The following NCK2 variants were observed in gnomAD, a reference collection of about 807,000 sequenced individuals.
The protein encoded by NCK2 is cytoplasmic protein NCK2.
Under a neutral mutation model 33.9 loss-of-function variants are expected in NCK2, and 16 were observed. The ratio of observed to expected loss-of-function variants is 0.47; its 90% confidence interval spans 0.32 to 0.72. The LOEUF (loss-of-function observed/expected upper bound fraction) is 0.72, where lower values mean the gene tolerates loss of function less well. Ranked by LOEUF, NCK2 falls within the 30% of genes least tolerant of loss-of-function variation. NCK2 has a pLI of 0.03. For synonymous variants in NCK2, 273 were observed against 239.9 expected (o/e 1.14, Z -1.27); for missense variants, 418 against 537.3 (o/e 0.78, Z 2.19).
intron 3 of NCK2, chr2:105,855,713 A>G (rs1004462953): frequency 1.3e-5 from 2 of 159,226 alleles, no homozygotes; most frequent in African/African-American, 4.8e-5. Flanking sequence ...CCTCTCTGAA[A>G]TGGATGCTAC....
In NCK2 at chr2:105,881,744, A is replaced by ATGAG; in HGVS notation, c.643_644insTGAG (p.Asn215MetfsTer13). 1 of 1,614,108 alleles carries ATGAG rather than the reference A, an allele frequency of 6.2e-7. No homozygotes were observed. Among genetic ancestry groups the ATGAG allele is most frequent in the Non-Finnish European group, 8.5e-7 (1 of 1,179,950 alleles). ...CAGCTCAGTCACCGAGGAGGAGCTC[A>ATGAG]ACTTCGAGAAGGGGGAGACCATGGA... On this transcript the variant is annotated frameshift_variant, in exon 4 of 5. Coordinates refer to ENST00000233154, the MANE Select transcript of NCK2 (RefSeq NM_003581.5). LOFTEE classifies it high-confidence loss of function.
At chr2:105,787,440 G>A (rs1690717725) in intron 1 of NCK2, among the ~76,000 whole-genome samples, 1 of 152,150 alleles carries the variant, frequency 6.6e-6, no homozygotes, top group African/African-American at 2.4e-5. Flanking sequence ...TCTGAAAAGA[G>A]ACAGCAGAGA....
intron 1 of NCK2, among the ~76,000 whole-genome samples, chr2:105,768,841 G>A (rs1364420358): frequency 1.3e-5 from 2 of 152,190 alleles, no homozygotes; most frequent in African/African-American, 4.8e-5. Context: ...CATGGGACGA[G>A]GGGTGGGAGT....
chr2:105,808,857 C>G (rs1326093952), intron 1 of NCK2, among the ~76,000 whole-genome samples: 1 of 152,134 alleles, frequency 6.6e-6, no homozygotes, highest in Non-Finnish European at 1.5e-5. Context: ...TTGTGCTGAT[C>G]TGTTGGTGAT....
At chr2:105,847,674 G>A (rs1183553662) in intron 2 of NCK2, among the ~76,000 whole-genome samples, 1 of 152,040 alleles carries the variant, frequency 6.6e-6, no homozygotes, top group African/African-American at 2.4e-5. Flanking sequence ...CAAAGAGGGA[G>A]GAGAATTCAC....
At chr2:105,789,127 G>T (rs1042178982) in intron 1 of NCK2, among the ~76,000 whole-genome samples, 7 of 152,108 alleles carry the variant, frequency 4.6e-5, no homozygotes, top group African/African-American at 1.7e-4. Flanking sequence ...GGGACCCTCG[G>T]CTCCCATAGC....
Position 105,816,413 on chromosome 2 carries a change from T to G in NCK2, c.-200-17T>G, listed in dbSNP as rs892616541. 6.6e-6 allele frequency: 1 copy of G among 152,230 alleles called. No individual in the cohort carries two copies. The highest frequency in any genetic ancestry group is 1.5e-5 in the Non-Finnish European group (1 of 68,034). 9.4% of individuals were successfully genotyped at this position (152,230 alleles called of 1,614,324 possible). On this transcript the variant is annotated splice_polypyrimidine_tract_variant and intron_variant, in intron 1 of 4. Transcript: ENST00000233154. ...CAAAGAAGCAAGCAGACCTAATATA[T>G]GCTTCTTTCTTTTTAGATTTCATGT... is the stretch of plus-strand genomic sequence containing the variant.
At chr2:105,868,509 T>C (rs759810195) in intron 3 of NCK2, among the ~76,000 whole-genome samples, 50 of 152,182 alleles carry the variant, frequency 3.3e-4, no homozygotes, top group Non-Finnish European at 6.2e-4. Context: ...GATTGTCTGA[T>C]TTGTGAAATT....
chr2:105,855,388 TTTAAAAG>T (rs1558871458), intron 3 of NCK2, 99 bp downstream of exon 3: 3 of 907,978 alleles, frequency 3.3e-6, no homozygotes, highest in Admixed American at 5.8e-5. Flanking sequence ...AAAAGTCTGT[TTTAAAAG>T]TTAATATCTT....
chr2:105,859,123 A>G (rs887801026), intron 3 of NCK2, among the ~76,000 whole-genome samples: 17 of 152,206 alleles, frequency 1.1e-4, no homozygotes, highest in African/African-American at 3.9e-4. Flanking sequence ...GCACTATGCT[A>G]CATCTTTTGA....
In NCK2 at chr2:105,854,925, C is replaced by T; in HGVS notation, c.-16-123C>T. 7 of 673,180 alleles carry T rather than the reference C, an allele frequency of 1.0e-5. No homozygotes were observed. In the South Asian group the frequency reaches 1.2e-4, roughly 11 times the overall value. 41.7% of individuals were successfully genotyped at this position (673,180 alleles called of 1,614,324 possible). The stretch of plus-strand genomic sequence containing the variant: ...ATTTTAAAGTTGAGCATTTCAAGAC[C>T]CAGGAGAAAACTGGTTGCAGAGTTG... On this transcript the variant is annotated intron_variant, in intron 2 of 4. Coordinates refer to ENST00000233154, the MANE Select transcript of NCK2 (RefSeq NM_003581.5).
chr2:105,799,111 G>C (rs1004746986), intron 1 of NCK2, among the ~76,000 whole-genome samples: 6 of 152,072 alleles, frequency 3.9e-5, no homozygotes, highest in Non-Finnish European at 7.4e-5. Context: ...GCTGTGTCCT[G>C]TCTGTCCTTC....
chr2:105,752,743 C>G (rs1413510095), intron 1 of NCK2, among the ~76,000 whole-genome samples: 2 of 152,226 alleles, frequency 1.3e-5, no homozygotes, highest in Non-Finnish European at 2.9e-5. Flanking sequence ...GCCTCCAGTT[C>G]CATCTGTGTT....
chr2:105,841,274 C>A (rs1459032834), intron 2 of NCK2, among the ~76,000 whole-genome samples: 3 of 151,990 alleles, frequency 2.0e-5, no homozygotes, highest in Non-Finnish European at 4.4e-5. Flanking sequence ...TTGAAAACCT[C>A]TTTGGAAAAA....
intron 2 of NCK2, among the ~76,000 whole-genome samples, chr2:105,834,277 C>T (rs1676307466): frequency 6.6e-6 from 1 of 151,950 alleles, no homozygotes; most frequent in Non-Finnish European, 1.5e-5. Context: ...GTCTATCTCT[C>T]TCTTTAGCTC....
intron 2 of NCK2, among the ~76,000 whole-genome samples, chr2:105,849,911 G>A (rs1036660557): frequency 1.3e-5 from 2 of 152,214 alleles, no homozygotes; most frequent in Non-Finnish European, 2.9e-5. Flanking sequence ...TGGCACATCC[G>A]GCCTCAGGAC....
chr2:105,761,306 C>A (rs1454071512), intron 1 of NCK2, among the ~76,000 whole-genome samples: 1 of 152,124 alleles, frequency 6.6e-6, no homozygotes, highest in Non-Finnish European at 1.5e-5. Context: ...TGACTGACTT[C>A]CAGAGAATCT....
intron 4 of NCK2, among the ~76,000 whole-genome samples, chr2:105,884,228 CTTG>C (rs72342453): frequency 0.16 from 24,661 of 151,560 alleles, 2,471 homozygotes; most frequent in Non-Finnish European, 0.22. Context: ...AAGTCCTTTG[CTTG>C]TTTTTTTCCC....
chr2:105,893,585 C>T lies in NCK2; in HGVS notation c.*409C>T, dbSNP rs1389674787. ...CTGGGCAGAGCAGGTGCGATGGCCC[C>T]AGTCCTAGCAGCCCTCGCCCATGTC... On this transcript the variant is annotated 3_prime_UTR_variant, in exon 5 of 5. Transcript: ENST00000233154. 2 of 198,612 alleles carry T rather than the reference C, an allele frequency of 1.0e-5. No individual in the cohort carries two copies. The highest frequency in any genetic ancestry group is 4.5e-5 in the African/African-American group (2 of 44,052). 12.3% of individuals were successfully genotyped at this position (198,612 alleles called of 1,614,324 possible).
Sources: allele counts gnomAD v4.1 joint callset (sites outside exome capture counted in the v4.1 genomes callset), GRCh38; gene constraint gnomAD v4.1.1; transcripts MANE v1.5; gene names NCBI Gene and HGNC (gene_info 2026-07-23, HGNC 2026-07-21).